The following CAB39L variants were observed in gnomAD, a reference collection of about 807,000 sequenced individuals.
The protein encoded by CAB39L is calcium binding protein 39 like.
Under a neutral mutation model 39.1 loss-of-function variants are expected in CAB39L, and 23 were observed. That is an observed-to-expected ratio of 0.59 (90% confidence interval 0.42 to 0.83). CAB39L has a LOEUF of 0.83. CAB39L is among the 40% of genes least tolerant of loss of function. CAB39L has a pLI of 0.00. For synonymous variants in CAB39L, 126 were observed against 137.2 expected (o/e 0.92, Z 0.57); for missense variants, 366 against 391.9 (o/e 0.93, Z 0.56).
intron 4 of CAB39L, among the ~76,000 whole-genome samples, chr13:49,380,731 A>T (rs1594026893): frequency 6.6e-6 from 1 of 152,306 alleles, no homozygotes; most frequent in South Asian, 2.1e-4. Flanking sequence ...AATTTAGTTA[A>T]CAATTTGTCT....
intron 4 of CAB39L, among the ~76,000 whole-genome samples, chr13:49,377,736 T>C (rs1196117522): frequency 9.8e-5 from 8 of 81,254 alleles, no homozygotes; most frequent in African/African-American, 3.0e-4. Context: ...TGATCTCGGC[T>C]CACTACAACC....
At chr13:49,433,233 T>C (rs915979165) in intron 3 of CAB39L, 85 bp downstream of exon 3, 45 of 326,412 alleles carry the variant, frequency 1.4e-4, no homozygotes, top group African/African-American at 9.5e-4. Flanking sequence ...TTATTCCTGA[T>C]ACATTTTATT....
chr13:49,401,744 C>G (rs1360128435), intron 3 of CAB39L: 1 of 152,174 alleles, frequency 6.6e-6, no homozygotes, highest in Non-Finnish European at 1.5e-5. Context: ...ACTGATTAAA[C>G]TGGCTGGACC....
At chr13:49,344,099 T>C in intron 8 of CAB39L, 80 bp downstream of exon 8, 1 of 837,516 alleles carries the variant, frequency 1.2e-6, no homozygotes, top group Non-Finnish European at 2.0e-6. Context: ...TTGTGGATAA[T>C]TCACAGGGGC....
chr13:49,349,139 C>G (rs376666966), intron 7 of CAB39L, among the ~76,000 whole-genome samples: 11 of 152,250 alleles, frequency 7.2e-5, no homozygotes, highest in South Asian at 2.1e-4. Flanking sequence ...CCACTGCTTT[C>G]CCCTTTTTCC....
chr13:49,331,760 C>T (rs1954705556), intron 10 of CAB39L, among the ~76,000 whole-genome samples, 187 bp downstream of exon 10: 1 of 152,104 alleles, frequency 6.6e-6, no homozygotes, highest in African/African-American at 2.4e-5. Flanking sequence ...ATGGATTAGT[C>T]AGCAAACCTT....
At position 49,359,851 on chromosome 13, in the gene CAB39L, G is replaced by T; in HGVS notation, c.277-19C>A. 1.4e-6 allele frequency: 2 copies of T among 1,385,852 alleles called. No individual in the cohort carries two copies. Among genetic ancestry groups the T allele is most frequent in the Non-Finnish European group, 1.0e-6 (1 of 973,888 alleles). 85.8% of individuals were successfully genotyped at this position (1,385,852 alleles called of 1,614,324 possible). A position where few individuals can be genotyped will look rare whatever the true frequency, so the allele number is the denominator to read the frequency against. On this transcript the variant is annotated intron_variant, in intron 5 of 10. Coordinates refer to ENST00000409308, the MANE Select transcript of CAB39L (RefSeq NM_001079670.3). Reference sequence around the variant, plus strand: ...TTTTTCCCTGTTAAAGAAACAAACAGAAATTAAATTGTACACTCTAAATGG... The same window carrying T: ...TTTTTCCCTGTTAAAGAAACAAACATAAATTAAATTGTACACTCTAAATGG...
rs58127321 is a variant in CAB39L, at chr13:49,406,648, A to G, written c.-31-23707T>C. ...AAAATTAAAATTTTGAAAATTAAAA[A>G]GACAACACCTTAATTGAAAAAAAAG... On this transcript the variant is annotated intron_variant, in intron 3 of 10. Coordinates refer to ENST00000409308, the MANE Select transcript of CAB39L (RefSeq NM_001079670.3). Among the ~76,000 whole-genome samples, 1,077 of 152,258 alleles carry G rather than the reference A, an allele frequency of 7.1e-3. 14 individuals are homozygous for G. The highest frequency in any genetic ancestry group is 0.024 in the African/African-American group (980 of 41,544).
At chr13:49,342,935 T>C (rs1443808780) in intron 8 of CAB39L, among the ~76,000 whole-genome samples, 1 of 152,224 alleles carries the variant, frequency 6.6e-6, no homozygotes, top group East Asian at 1.9e-4. Context: ...TTTCGTATGT[T>C]GGGTTAAATA....
intron 7 of CAB39L, among the ~76,000 whole-genome samples, chr13:49,347,709 G>A (rs187260459): frequency 2.0e-5 from 3 of 152,178 alleles, no homozygotes; most frequent in Admixed American, 2.0e-4. Flanking sequence ...CTTTTGAGGG[G>A]ATCATCTCTA....
At chr13:49,433,984 A>AAAAT in intron 2 of CAB39L, 102 bp downstream of exon 2, 1 of 345,732 alleles carries the variant, frequency 2.9e-6, no homozygotes, top group South Asian at 2.3e-5. Flanking sequence ...TCGCACCTTT[A>AAAAT]CTAATTTCAG....
intron 8 of CAB39L, among the ~76,000 whole-genome samples, chr13:49,341,243 ATTTTCT>A (rs947598031): frequency 2.0e-5 from 3 of 151,446 alleles, no homozygotes; most frequent in South Asian, 2.1e-4. Context: ...AAAATAGACA[ATTTTCT>A]TTTTCTTTTT....
intron 3 of CAB39L, among the ~76,000 whole-genome samples, chr13:49,400,621 GT>G (rs1296399180): frequency 1.3e-5 from 2 of 152,060 alleles, no homozygotes; most frequent in Non-Finnish European, 2.9e-5. Context: ...AAAATCAGGT[GT>G]CACTTATTGG....
chr13:49,376,714 C>T (rs771985763), intron 5 of CAB39L, among the ~76,000 whole-genome samples: 1 of 152,124 alleles, frequency 6.6e-6, no homozygotes, highest in Non-Finnish European at 1.5e-5. Flanking sequence ...AAGCATTCAA[C>T]AAATGTTACT....
At chr13:49,329,581 ATATATATATATAT>A in intron 10 of CAB39L, among the ~76,000 whole-genome samples, 1 of 114,022 alleles carries the variant, frequency 8.8e-6, no homozygotes, top group Non-Finnish European at 1.8e-5. Flanking sequence ...ATATATATAT[ATATATATATATAT>A]ATAATGATGT....
intron 5 of CAB39L, among the ~76,000 whole-genome samples, chr13:49,376,443 A>G (rs1180180015): frequency 6.6e-6 from 1 of 152,252 alleles, no homozygotes; most frequent in Non-Finnish European, 1.5e-5. Flanking sequence ...TAGGTAAATT[A>G]GGTATAATTG....
At chr13:49,372,702 G>A (rs990208535) in intron 5 of CAB39L, among the ~76,000 whole-genome samples, 2 of 152,122 alleles carry the variant, frequency 1.3e-5, no homozygotes, top group South Asian at 2.1e-4. Context: ...ATGGAGTCTC[G>A]CTCTGTCGCC....
intron 10 of CAB39L, among the ~76,000 whole-genome samples, chr13:49,315,174 A>T (rs1174206252): frequency 6.6e-6 from 1 of 152,126 alleles, no homozygotes; most frequent in Non-Finnish European, 1.5e-5. Context: ...AAGGTCATGG[A>T]CTCACTCACA....
chr13:49,320,912 C>T (rs931785007), intron 10 of CAB39L, among the ~76,000 whole-genome samples: 3 of 152,202 alleles, frequency 2.0e-5, no homozygotes, highest in East Asian at 1.9e-4. Context: ...ACTGGGCCCA[C>T]GACAGAATTA....
Sources: allele counts gnomAD v4.1 joint callset (sites outside exome capture counted in the v4.1 genomes callset), GRCh38; gene constraint gnomAD v4.1.1; transcripts MANE v1.5; gene names NCBI Gene and HGNC (gene_info 2026-07-23, HGNC 2026-07-21).